Variants in DSCAM observed in about 807,000 individuals in gnomAD.
DSCAM encodes the protein DS cell adhesion molecule.
A neutral mutation model predicts 217.7 loss-of-function variants in DSCAM; 47 were observed. That is an observed-to-expected ratio of 0.22 (90% confidence interval 0.17 to 0.28). The LOEUF (loss-of-function observed/expected upper bound fraction) is 0.28. Ranked by LOEUF, DSCAM falls within the 10% of genes least tolerant of loss-of-function variation. The pLI is 1.00. For missense variants in DSCAM, 2,080 were observed against 2,618.3 expected (o/e 0.79, Z 4.49); for synonymous variants, 1,056 against 1,015.3 (o/e 1.04, Z -0.76).
chr21:40,153,334 T>C (rs2090444101), intron 16 of DSCAM, among the ~76,000 whole-genome samples: 1 of 152,142 alleles, frequency 6.6e-6, no homozygotes, highest in Non-Finnish European at 1.5e-5. Context: ...CAGAGTACTA[T>C]GGAGGGGCAA....
intron 5 of DSCAM, among the ~76,000 whole-genome samples, chr21:40,350,877 CTTTTTTTTTTTTT>C (rs10658416): frequency 6.3e-5 from 4 of 63,878 alleles, no homozygotes; most frequent in African/African-American, 2.6e-4. Flanking sequence ...ATAAGTCATA[CTTTTTTTTTTTTT>C]TTTTTTTTTT....
At chr21:40,341,507 C>T (rs1379977661) in intron 6 of DSCAM, among the ~76,000 whole-genome samples, 1 of 152,090 alleles carries the variant, frequency 6.6e-6, no homozygotes, top group Non-Finnish European at 1.5e-5. Flanking sequence ...CTTAGTTTTG[C>T]TAAATATATA....
rs2076141085 is a variant in DSCAM at position 40,498,681 on chromosome 21, A to G, written c.509-129436T>C. On this transcript the variant is annotated intron_variant, in intron 3 of 32. Coordinates refer to ENST00000400454, the MANE Select transcript of DSCAM (RefSeq NM_001389.5). Reference sequence around the variant, plus strand: ...TATATATATACCCATATATATATATATATATATATATATATAGATATATAT... The same window carrying G: ...TATATATATACCCATATATATATATGTATATATATATATATAGATATATAT... 5.6e-4 allele frequency among the ~76,000 whole-genome samples: 4 copies of G among 7,188 alleles called. 1 individual carries two copies. The highest frequency in any genetic ancestry group is 2.9e-3 in the African/African-American group (3 of 1,020). The allele number at this position is 7,188 out of a possible 152,430, so 4.7% of individuals were successfully genotyped here.
chr21:40,700,099 A>C (rs1262124031), intron 2 of DSCAM, among the ~76,000 whole-genome samples: 1 of 152,224 alleles, frequency 6.6e-6, no homozygotes, highest in East Asian at 1.9e-4. Flanking sequence ...CAATAATTCT[A>C]AAATTATTTC....
chr21:40,500,285 T>C (rs984538640), intron 3 of DSCAM, among the ~76,000 whole-genome samples: 4 of 152,232 alleles, frequency 2.6e-5, no homozygotes, highest in African/African-American at 9.6e-5. Context: ...ATTTCATAAA[T>C]ACAGGATTTA....
At chr21:40,658,370 T>A (rs1441592257) in intron 3 of DSCAM, among the ~76,000 whole-genome samples, 1 of 152,302 alleles carries the variant, frequency 6.6e-6, no homozygotes, top group East Asian at 1.9e-4. Flanking sequence ...TCTGGACAAA[T>A]GTGCCTCTCA....
intron 1 of DSCAM, among the ~76,000 whole-genome samples, chr21:40,828,802 C>A (rs1444955078): frequency 6.6e-6 from 1 of 152,112 alleles, no homozygotes; most frequent in Admixed American, 6.5e-5. Context: ...ACTACAGGCA[C>A]ATGCCACCAC....
chr21:40,665,552 C>T (rs1377057257), intron 3 of DSCAM, among the ~76,000 whole-genome samples: 1 of 152,170 alleles, frequency 6.6e-6, no homozygotes, highest in Non-Finnish European at 1.5e-5. Flanking sequence ...TGACCTCTGA[C>T]AGGCCAGGTC....
At chr21:40,561,060 T>C (rs2076716759) in intron 3 of DSCAM, among the ~76,000 whole-genome samples, 1 of 152,190 alleles carries the variant, frequency 6.6e-6, no homozygotes, top group Non-Finnish European at 1.5e-5. Flanking sequence ...AATGATGCTT[T>C]GGGGAAAGAA....
intron 3 of DSCAM, among the ~76,000 whole-genome samples, chr21:40,498,322 A>G (rs996695093): frequency 6.6e-5 from 10 of 151,998 alleles, no homozygotes; most frequent in African/African-American, 2.4e-4. Flanking sequence ...TTATCTAAAA[A>G]TGGGAATACG....
At chr21:40,257,935 C>T (rs934459811) in intron 11 of DSCAM, among the ~76,000 whole-genome samples, 1 of 152,108 alleles carries the variant, frequency 6.6e-6, no homozygotes, top group African/African-American at 2.4e-5. Flanking sequence ...ATGTACCTTC[C>T]CCTTGCTGCA....
chr21:40,316,026 A>C (rs1331229499), intron 8 of DSCAM, among the ~76,000 whole-genome samples: 1 of 152,250 alleles, frequency 6.6e-6, no homozygotes, highest in Non-Finnish European at 1.5e-5. Flanking sequence ...TTTTGTAATT[A>C]ATACAAAATC....
chr21:40,758,982 G>A (rs903364415), intron 1 of DSCAM, among the ~76,000 whole-genome samples: 1 of 152,134 alleles, frequency 6.6e-6, no homozygotes, highest in African/African-American at 2.4e-5. Flanking sequence ...CATAAATAAA[G>A]AACGCAAGTA....
chr21:40,607,937 G>A (rs1241325064), intron 3 of DSCAM, among the ~76,000 whole-genome samples: 1 of 152,164 alleles, frequency 6.6e-6, no homozygotes, highest in Non-Finnish European at 1.5e-5. Context: ...GATGGAGAAG[G>A]AAGTTGGTAC....
intron 32 of DSCAM, among the ~76,000 whole-genome samples, chr21:40,042,119 T>A (rs928257920): frequency 1.3e-5 from 2 of 152,080 alleles, no homozygotes; most frequent in Admixed American, 1.3e-4. Flanking sequence ...TGGAAGTGGA[T>A]CCCCAGCCCC....
At chr21:40,141,344 G>T (rs549453369) in intron 18 of DSCAM, among the ~76,000 whole-genome samples, 1 of 152,316 alleles carries the variant, frequency 6.6e-6, no homozygotes, top group East Asian at 1.9e-4. Context: ...GCTGGGCGTG[G>T]TGGGTCACGC....
intron 1 of DSCAM, among the ~76,000 whole-genome samples, chr21:40,831,999 A>G (rs1349415123): frequency 6.6e-6 from 1 of 152,248 alleles, no homozygotes; most frequent in Non-Finnish European, 1.5e-5. Flanking sequence ...CTGTGACACC[A>G]GACAACCTGG....
intron 3 of DSCAM, among the ~76,000 whole-genome samples, chr21:40,430,295 T>C (rs2075518298): frequency 6.6e-6 from 1 of 152,218 alleles, no homozygotes; most frequent in Non-Finnish European, 1.5e-5. Context: ...AAAGTATTGA[T>C]CCTGGGTGTG....
In DSCAM at chr21:40,423,162, T is replaced by G. The variant is rs143602045; in HGVS notation, c.509-53917A>C. The stretch of plus-strand genomic sequence containing the variant: ...TAGAAGGTATCGCCTGGGTAATTTA[T>G]GTACCCTCTTCTGACTTTGCCAGGC... On this transcript the variant is annotated intron_variant, in intron 3 of 32. Transcript: ENST00000400454. 3.9e-5 allele frequency among the ~76,000 whole-genome samples: 6 copies of G among 152,332 alleles called. No homozygotes were observed. The East Asian group carries it at 1.2e-3, about 29-fold the overall frequency.
Sources: allele counts gnomAD v4.1 joint callset (sites outside exome capture counted in the v4.1 genomes callset), GRCh38; gene constraint gnomAD v4.1.1; transcripts MANE v1.5; gene names NCBI Gene and HGNC (gene_info 2026-07-23, HGNC 2026-07-21).